The following ZFAND3 variants were observed in gnomAD, a reference collection of about 807,000 sequenced individuals.
ZFAND3 encodes the protein zinc finger AN1-type containing 3.
A neutral mutation model predicts 29.6 loss-of-function variants in ZFAND3; 10 were observed. That is an observed-to-expected ratio of 0.34 (90% CI 0.21 to 0.57). The LOEUF is 0.57. ZFAND3 is among the 20% of genes least tolerant of loss of function. The probability of loss-of-function intolerance (pLI) is 0.86; values close to 1 mark genes in which losing one functional copy is unlikely to be tolerated. For synonymous variants in ZFAND3, 128 were observed against 112.6 expected, an observed-to-expected ratio of 1.14 and a Z score of -0.87; for missense variants, 230 against 304.5, an observed-to-expected ratio of 0.76 and a Z score of 1.82.
At chr6:37,971,057 G>A (rs1370580018) in intron 2 of ZFAND3, among the ~76,000 whole-genome samples, 3 of 152,202 alleles carry the variant, frequency 2.0e-5, no homozygotes, top group Non-Finnish European at 4.4e-5. Flanking sequence ...TGATACAAGT[G>A]TATTTGTTCA....
chr6:37,872,074 C>T (rs1486007546), intron 1 of ZFAND3, among the ~76,000 whole-genome samples: 2 of 152,118 alleles, frequency 1.3e-5, no homozygotes, highest in Non-Finnish European at 2.9e-5. Flanking sequence ...TTCTTGATTT[C>T]CCCCTCCACT....
chr6:38,038,793 C>G (rs1302348981), intron 2 of ZFAND3, among the ~76,000 whole-genome samples: 1 of 152,068 alleles, frequency 6.6e-6, no homozygotes, highest in Non-Finnish European at 1.5e-5. Context: ...ATTTTAGATG[C>G]AAAGATCTTT....
chr6:37,977,934 T>A, intron 2 of ZFAND3, among the ~76,000 whole-genome samples: 1 of 126,252 alleles, frequency 7.9e-6, no homozygotes, highest in Non-Finnish European at 1.8e-5. Context: ...CCGTTCTTCC[T>A]TTCTTCCTTT....
At chr6:37,937,698 T>A (rs189582857) in intron 2 of ZFAND3, among the ~76,000 whole-genome samples, 34 of 151,636 alleles carry the variant, frequency 2.2e-4, no homozygotes, top group Admixed American at 8.5e-4. Flanking sequence ...CTGCTGCTCT[T>A]AAGACGAAGT....
At chr6:37,827,519 A>G (rs1164371476) in intron 1 of ZFAND3, among the ~76,000 whole-genome samples, 2 of 152,236 alleles carry the variant, frequency 1.3e-5, no homozygotes, top group Non-Finnish European at 2.9e-5. Flanking sequence ...GTGATTAGGG[A>G]TAAGTGCATT....
At chr6:37,988,063 T>C (rs1023765323) in intron 2 of ZFAND3, among the ~76,000 whole-genome samples, 1 of 152,230 alleles carries the variant, frequency 6.6e-6, no homozygotes, top group African/African-American at 2.4e-5. Flanking sequence ...GAAGGAAATA[T>C]TGTGTGAATT....
At chr6:37,839,505 TTTG>T (rs1365870266) in intron 1 of ZFAND3, among the ~76,000 whole-genome samples, 5 of 135,484 alleles carry the variant, frequency 3.7e-5, no homozygotes, top group Admixed American at 7.4e-5. Context: ...TTTTTTATTT[TTTG>T]TTGTTGTTGT....
chr6:38,042,226 T>A (rs1370993289), intron 2 of ZFAND3, among the ~76,000 whole-genome samples: 1 of 151,882 alleles, frequency 6.6e-6, no homozygotes, highest in Non-Finnish European at 1.5e-5. Context: ...TTTAAAACAA[T>A]GCATGGACTA....
At chr6:37,864,648 AATAT>A (rs1157562374) in intron 1 of ZFAND3, among the ~76,000 whole-genome samples, 1 of 152,048 alleles carries the variant, frequency 6.6e-6, no homozygotes, top group Non-Finnish European at 1.5e-5. Flanking sequence ...TCAAGAAAAA[AATAT>A]ATGTATGTGT....
intron 3 of ZFAND3, 54 bp downstream of exon 3, chr6:38,061,829 T>A: frequency 6.3e-7 from 1 of 1,583,816 alleles, no homozygotes; most frequent in African/African-American, 1.3e-5. Context: ...GAACTTTAGA[T>A]GAGCATCTTG....
In ZFAND3 at chr6:38,124,604, C is replaced by T. The variant is rs550021650; in HGVS notation, c.529+7865C>T. Among the ~76,000 whole-genome samples, 195 of 152,330 alleles carry T rather than the reference C, an allele frequency of 1.3e-3. 1 individual carries two copies. The highest frequency in any genetic ancestry group is 1.6e-3 in the African/African-American group (67 of 41,578). ...TGCTAAGCCCCTCACTGCCCCGGGC[C>T]GCTCCGAGTGTGGGGCCCGCCAAGC... On this transcript the variant is annotated intron_variant, in intron 5 of 5. Transcript: ENST00000287218.
intron 2 of ZFAND3, among the ~76,000 whole-genome samples, chr6:38,056,336 A>G (rs137933075): frequency 4.9e-4 from 75 of 152,342 alleles, no homozygotes; most frequent in East Asian, 2.1e-3. Context: ...GTTAAAAAGA[A>G]TTAATTTGTT....
chr6:37,900,186 G>T (rs1346252751), intron 1 of ZFAND3, among the ~76,000 whole-genome samples: 4 of 152,108 alleles, frequency 2.6e-5, no homozygotes, highest in Non-Finnish European at 5.9e-5. Context: ...AAACAATACT[G>T]CAGAAACCCT....
chr6:38,101,386 G>A (rs757335327), intron 4 of ZFAND3, among the ~76,000 whole-genome samples: 1 of 152,168 alleles, frequency 6.6e-6, no homozygotes, highest in African/African-American at 2.4e-5. Flanking sequence ...AGAAGAAAAG[G>A]TGTAAGGCTT....
intron 5 of ZFAND3, among the ~76,000 whole-genome samples, chr6:38,150,869 C>T (rs1353994150): frequency 6.6e-6 from 1 of 152,118 alleles, no homozygotes; most frequent in Non-Finnish European, 1.5e-5. Flanking sequence ...ACAGGGAGAA[C>T]AGGTTTAGGA....
intron 2 of ZFAND3, chr6:38,002,913 A>T (rs1461174353): frequency 1.3e-5 from 2 of 152,194 alleles, no homozygotes; most frequent in Non-Finnish European, 2.9e-5. Flanking sequence ...TTTTCTTTTT[A>T]AAAAGCCACA....
intron 1 of ZFAND3, among the ~76,000 whole-genome samples, chr6:37,863,271 GTGGTCACATACCAC>G (rs963600390): frequency 2.6e-5 from 4 of 152,224 alleles, no homozygotes; most frequent in African/African-American, 4.8e-5. Flanking sequence ...TCCACATCAA[GTGGTCACATACCAC>G]TTTGAAATAT....
intron 1 of ZFAND3, among the ~76,000 whole-genome samples, chr6:37,902,201 G>C (rs1036056249): frequency 6.6e-6 from 1 of 152,014 alleles, no homozygotes; most frequent in African/African-American, 2.4e-5. Flanking sequence ...GTAATCCCAG[G>C]ACATTGGGAG....
At chr6:37,887,685 C>T (rs964943534) in intron 1 of ZFAND3, among the ~76,000 whole-genome samples, 6 of 152,178 alleles carry the variant, frequency 3.9e-5, no homozygotes, top group African/African-American at 1.2e-4. Flanking sequence ...TGCATCTTCT[C>T]TGTTAAATGA....
Sources: allele counts gnomAD v4.1 joint callset (sites outside exome capture counted in the v4.1 genomes callset), GRCh38; gene constraint gnomAD v4.1.1; transcripts MANE v1.5; gene names NCBI Gene and HGNC (gene_info 2026-07-23, HGNC 2026-07-21).